Variants in FAM222B observed in about 807,000 individuals in gnomAD.
The protein encoded by FAM222B is protein FAM222B.
A neutral mutation model predicts 38.0 loss-of-function variants in FAM222B; 12 were observed. The observed-to-expected ratio is 0.32, with a 90% CI of 0.20 to 0.51. The LOEUF (loss-of-function observed/expected upper bound fraction) is 0.51, where lower values mean the gene tolerates loss of function less well. FAM222B is among the 20% of genes least tolerant of loss of function. FAM222B has a pLI of 0.97. For synonymous variants in FAM222B, 329 were observed against 317.2 expected (o/e 1.04, Z -0.40); for missense variants, 716 against 754.2 (o/e 0.95, Z 0.59).
intron 1 of FAM222B, among the ~76,000 whole-genome samples, chr17:28,839,807 T>G (rs2038970830): frequency 6.6e-6 from 1 of 152,044 alleles, no homozygotes; most frequent in South Asian, 2.1e-4. Context: ...AAATTATACA[T>G]CACTGTGCAT....
chr17:28,851,767 C>T (rs1192566497), intron 1 of FAM222B, among the ~76,000 whole-genome samples: 5 of 149,946 alleles, frequency 3.3e-5, no homozygotes, highest in South Asian at 2.1e-4. Context: ...CCCAGCTACT[C>T]GGGAGGCTGA....
chr17:28,761,549 G>A (rs959781514), intron 2 of FAM222B, among the ~76,000 whole-genome samples: 9 of 152,172 alleles, frequency 5.9e-5, no homozygotes, highest in Non-Finnish European at 1.3e-4. Context: ...CACATCACTG[G>A]GCATCACCTA....
chr17:28,846,825 T>C (rs938118624), upstream of FAM222B, among the ~76,000 whole-genome samples: 1 of 152,050 alleles, frequency 6.6e-6, no homozygotes, highest in Non-Finnish European at 1.5e-5. Flanking sequence ...TGGTGTCTCA[T>C]GCCTGTAAAC....
chr17:28,845,003 T>C (rs1029030105), upstream of FAM222B, among the ~76,000 whole-genome samples: 4 of 151,626 alleles, frequency 2.6e-5, no homozygotes, highest in African/African-American at 9.7e-5. Context: ...CTCAGGAGGC[T>C]GAGGCAGGAA....
intron 1 of FAM222B, among the ~76,000 whole-genome samples, chr17:28,808,078 G>A (rs1161576689): frequency 2.0e-5 from 3 of 152,152 alleles, no homozygotes; most frequent in Admixed American, 2.0e-4. Flanking sequence ...TCAGTTGGAA[G>A]ATTCATTATT....
intron 1 of FAM222B, among the ~76,000 whole-genome samples, chr17:28,851,118 CA>C (rs2152638290): frequency 6.6e-6 from 1 of 151,664 alleles, no homozygotes; most frequent in South Asian, 2.1e-4. Flanking sequence ...GACTCCATCT[CA>C]AAACAAAACA....
intron 1 of FAM222B, among the ~76,000 whole-genome samples, chr17:28,792,277 A>C (rs1317074224): frequency 6.9e-6 from 1 of 144,500 alleles, no homozygotes; most frequent in African/African-American, 2.6e-5. Flanking sequence ...GCGCCACTGC[A>C]CTCCTGCCTG....
At chr17:28,842,172 T>C (rs1028808723) in intron 1 of FAM222B, among the ~76,000 whole-genome samples, 6 of 152,148 alleles carry the variant, frequency 3.9e-5, no homozygotes, top group African/African-American at 1.4e-4. Flanking sequence ...AACAGCTTTA[T>C]CAATGGTGGA....
chr17:28,814,027 T>C (rs2037918783), intron 1 of FAM222B, among the ~76,000 whole-genome samples: 1 of 151,868 alleles, frequency 6.6e-6, no homozygotes, highest in South Asian at 2.1e-4. Flanking sequence ...CTGGTCAACA[T>C]GGTGACCTGG....
chr17:28,792,198 G>C (rs1858851260), intron 1 of FAM222B, among the ~76,000 whole-genome samples: 1 of 151,412 alleles, frequency 6.6e-6, no homozygotes, highest in African/African-American at 2.4e-5. Flanking sequence ...TGTAGTCCTA[G>C]CTACTTAGGA....
intron 1 of FAM222B, among the ~76,000 whole-genome samples, chr17:28,787,900 C>T (rs535385634): frequency 4.2e-4 from 61 of 144,798 alleles, no homozygotes; most frequent in African/African-American, 1.6e-3. Flanking sequence ...TCTTGGCTCA[C>T]CGCAACCTCC....
chr17:28,758,642 T>C lies in FAM222B; in HGVS notation c.1317A>G (p.Ala439=), dbSNP rs1010994577. Residue 439 remains alanine (A), a synonymous_variant, in exon 3 of 3, where the codon GCA becomes GCG. Transcript: ENST00000581407. ...GACCATTGGGGTAGGCCAATGGGGCTGCCATGCCGTTGACTGGTGGGGATG... is the reference window on the plus strand; with the variant it reads ...GACCATTGGGGTAGGCCAATGGGGCCGCCATGCCGTTGACTGGTGGGGATG... ...PTPSPPVNGM[A]APLAYPNGHY... is the part of the protein sequence containing the mutation. 3.1e-5 allele frequency: 50 copies of C among 1,611,072 alleles called. 1 individual carries two copies. In the Admixed American group the frequency reaches 8.0e-4, roughly 26 times the overall value.
At chr17:28,846,242 A>AC (rs2039145358), upstream of FAM222B, among the ~76,000 whole-genome samples, 1 of 149,976 alleles carries the variant, frequency 6.7e-6, no homozygotes, top group Non-Finnish European at 1.5e-5. Context: ...GGTGGTGCAC[A>AC]CCTGTGGTCC....
At chr17:28,783,513 GA>G (rs1227149110) in intron 1 of FAM222B, among the ~76,000 whole-genome samples, 1 of 100,974 alleles carries the variant, frequency 9.9e-6, no homozygotes, top group Non-Finnish European at 2.3e-5. Flanking sequence ...ACCTTCATGA[GA>G]TTTTTTTTTT....
chr17:28,800,108 A>G (rs907626905), intron 1 of FAM222B, among the ~76,000 whole-genome samples: 1 of 151,004 alleles, frequency 6.6e-6, no homozygotes, highest in Non-Finnish European at 1.5e-5. Context: ...CTCGGCTCAC[A>G]GCAACCTCCG....
At chr17:28,823,325 T>G (rs546299045) in intron 1 of FAM222B, among the ~76,000 whole-genome samples, 17 of 151,500 alleles carry the variant, frequency 1.1e-4, no homozygotes, top group Non-Finnish European at 1.8e-4. Flanking sequence ...TTACGTGACC[T>G]CTATATAGCA....
intron 1 of FAM222B, among the ~76,000 whole-genome samples, chr17:28,803,268 A>G (rs2037323332): frequency 6.6e-6 from 1 of 152,072 alleles, no homozygotes; most frequent in South Asian, 2.1e-4. Flanking sequence ...TTGGCCTCCC[A>G]AAGTGTGGAG....
chr17:28,793,403 A>G (rs1346182817), intron 1 of FAM222B, among the ~76,000 whole-genome samples: 2 of 152,134 alleles, frequency 1.3e-5, no homozygotes, highest in African/African-American at 4.8e-5. Flanking sequence ...AAAAGTTTCA[A>G]ATGACATCAT....
chr17:28,823,132 A>C (rs1204685016), intron 1 of FAM222B, among the ~76,000 whole-genome samples: 1 of 151,742 alleles, frequency 6.6e-6, no homozygotes, highest in Non-Finnish European at 1.5e-5. Context: ...GAAGTTTTCA[A>C]GGAAACTGGG....
Sources: gnomAD v4.1 joint callset for allele counts (sites outside exome capture counted in the v4.1 genomes callset) on GRCh38, gnomAD v4.1.1 for gene constraint, MANE v1.5 for transcripts, NCBI Gene and HGNC (gene_info 2026-07-23, HGNC 2026-07-21) for gene names.